The following EPC2 variants were observed in gnomAD, a reference collection of about 807,000 sequenced individuals.
EPC2 encodes enhancer of polycomb 2, also known as enhancer of polycomb homolog 2.
A neutral mutation model predicts 92.1 loss-of-function variants in EPC2; 14 were observed. The ratio of observed to expected loss-of-function variants is 0.15; its 90% CI spans 0.10 to 0.24. The LOEUF (loss-of-function observed/expected upper bound fraction) is 0.24. Ranked by LOEUF, EPC2 falls within the 10% of genes least tolerant of loss-of-function variation. EPC2 has a pLI of 1.00. For missense variants in EPC2, 755 were observed against 971.5 expected, an observed-to-expected ratio of 0.78 and a Z score of 2.96; for synonymous variants, 340 against 334.7, an observed-to-expected ratio of 1.02 and a Z score of -0.17.
intron 1 of EPC2, among the ~76,000 whole-genome samples, chr2:148,659,134 T>A (rs1680883068): frequency 6.6e-6 from 1 of 152,158 alleles, no homozygotes; most frequent in Non-Finnish European, 1.5e-5. Flanking sequence ...ACTTTGTGGA[T>A]TAAGGAGTTT....
intron 1 of EPC2, among the ~76,000 whole-genome samples, chr2:148,650,114 A>G (rs182466137): frequency 6.6e-6 from 1 of 152,308 alleles, no homozygotes; most frequent in Admixed American, 6.5e-5. Context: ...AATGTCTCTA[A>G]GGGCAAAGAT....
At chr2:148,672,616 C>T (rs1264296995) in intron 1 of EPC2, among the ~76,000 whole-genome samples, 1 of 152,126 alleles carries the variant, frequency 6.6e-6, no homozygotes, top group Admixed American at 6.5e-5. Context: ...TTGCTCACCA[C>T]CGCTTAATAT....
chr2:148,669,350 A>G (rs1156817350), intron 1 of EPC2, among the ~76,000 whole-genome samples: 1 of 152,134 alleles, frequency 6.6e-6, no homozygotes, highest in Admixed American at 6.5e-5. Context: ...ATTCCTATAA[A>G]TGTCCTTGAG....
chr2:148,737,277 G>T (rs962055896), intron 2 of EPC2, among the ~76,000 whole-genome samples: 5 of 151,934 alleles, frequency 3.3e-5, no homozygotes, highest in African/African-American at 9.7e-5. Context: ...TAATTTTAGG[G>T]ATTTTTTTCA....
intron 1 of EPC2, among the ~76,000 whole-genome samples, chr2:148,660,349 T>C (rs1680906878): frequency 6.6e-6 from 1 of 152,146 alleles, no homozygotes; most frequent in South Asian, 2.1e-4. Context: ...TGTAAGAGAA[T>C]GGCAGCTTGT....
intron 7 of EPC2, among the ~76,000 whole-genome samples, chr2:148,767,890 G>A (rs1400910611): frequency 6.6e-6 from 1 of 152,102 alleles, no homozygotes; most frequent in Non-Finnish European, 1.5e-5. Flanking sequence ...TCTTAGAATA[G>A]GTACGTTATT....
intron 3 of EPC2, among the ~76,000 whole-genome samples, chr2:148,744,989 G>GTCCCC (rs1682952853): frequency 6.5e-5 from 3 of 46,296 alleles, no homozygotes; most frequent in Non-Finnish European, 1.5e-4. Context: ...CTATCAGTTT[G>GTCCCC]CCCCCCCCCC....
chr2:148,740,898 C>T (rs1378935249), intron 2 of EPC2, among the ~76,000 whole-genome samples: 1 of 152,064 alleles, frequency 6.6e-6, no homozygotes, highest in African/African-American at 2.4e-5. Context: ...TGTGCATTTA[C>T]AAATACAACA....
At chr2:148,675,677 C>T (rs569330164) in intron 1 of EPC2, among the ~76,000 whole-genome samples, 12 of 152,308 alleles carry the variant, frequency 7.9e-5, no homozygotes, top group South Asian at 4.1e-4. Flanking sequence ...AGTATCTATC[C>T]TCTCTCCTGC....
chr2:148,699,290 A>G (rs904665135), intron 2 of EPC2, among the ~76,000 whole-genome samples: 3 of 152,202 alleles, frequency 2.0e-5, no homozygotes, highest in Admixed American at 6.5e-5. Flanking sequence ...CATTTCTTAC[A>G]GCTAATGATG....
At chr2:148,736,711 T>G (rs1389265623) in intron 2 of EPC2, among the ~76,000 whole-genome samples, 1 of 152,106 alleles carries the variant, frequency 6.6e-6, no homozygotes, top group African/African-American at 2.4e-5. Context: ...TTTTTTAATA[T>G]CAGTTCTTAA....
rs1350893137 is a variant in EPC2, at chr2:148,647,450, G to A, written c.153+2280G>A. Among the ~76,000 whole-genome samples the A allele has an allele frequency of 2.0e-5, 3 of 151,230 alleles. No individual in the cohort carries two copies. The South Asian group carries it at 6.3e-4, about 32-fold the overall frequency. On this transcript the variant is annotated intron_variant, in intron 1 of 13. Coordinates refer to ENST00000258484, the MANE Select transcript of EPC2 (RefSeq NM_015630.4). ...AGCCTCCCGAGCAGCTGAGATTATAGGCGCCCACTACCTCGCCCAGCTAAT... is the reference window on the plus strand; with the variant it reads ...AGCCTCCCGAGCAGCTGAGATTATAAGCGCCCACTACCTCGCCCAGCTAAT...
chr2:148,778,602 A>G (rs1683692460), intron 10 of EPC2, among the ~76,000 whole-genome samples: 1 of 138,750 alleles, frequency 7.2e-6, no homozygotes, highest in African/African-American at 2.7e-5. Flanking sequence ...TATTTTGTCC[A>G]TCCTATTAAA....
chr2:148,763,972 G>T (rs1399891798), intron 6 of EPC2, among the ~76,000 whole-genome samples: 1 of 152,074 alleles, frequency 6.6e-6, no homozygotes, highest in African/African-American at 2.4e-5. Flanking sequence ...TAGGGATTTG[G>T]TTGCATCCAT....
chr2:148,764,931 G>T, intron 6 of EPC2, 24 bp from the exon 7 acceptor site: 1 of 1,406,362 alleles, frequency 7.1e-7, no homozygotes, highest in South Asian at 1.9e-5. Flanking sequence ...CTTCCTTTTG[G>T]GGGAAAAATC....
Position 148,720,655 on chromosome 2 carries a change from C to T in EPC2, c.314-22967C>T, listed in dbSNP as rs907136327. Among the ~76,000 whole-genome samples, 3 of 152,266 alleles carry T rather than the reference C, an allele frequency of 2.0e-5. No individual in the cohort carries two copies. In the East Asian group the frequency reaches 5.8e-4, roughly 29 times the overall value. ...ACTCATAAGGGGATCTCCTGATCCC[C>T]GGGTTGCAAAGATCCATGGGAGAAG... On this transcript the variant is annotated intron_variant, in intron 2 of 13. Transcript: ENST00000258484.
At chr2:148,744,968 G>C (rs999084706) in intron 3 of EPC2, among the ~76,000 whole-genome samples, 2 of 125,506 alleles carry the variant, frequency 1.6e-5, no homozygotes, top group African/African-American at 5.7e-5. Flanking sequence ...TGACTTTGCT[G>C]CATATTTAGC....
intron 10 of EPC2, among the ~76,000 whole-genome samples, chr2:148,776,917 A>G (rs1018476595): frequency 5.7e-5 from 8 of 140,980 alleles, no homozygotes; most frequent in African/African-American, 1.6e-4. Context: ...CTGGAGTGCA[A>G]TGGCACGATT....
chr2:148,660,299 T>C lies in EPC2; in HGVS notation c.153+15129T>C, dbSNP rs375907604. Among the ~76,000 whole-genome samples, 54 of 152,312 alleles carry C rather than the reference T, an allele frequency of 3.5e-4. 1 individual carries two copies. The East Asian group carries it at 6.0e-3, about 17-fold the overall frequency. On this transcript the variant is annotated intron_variant, in intron 1 of 13. Coordinates refer to ENST00000258484, the MANE Select transcript of EPC2 (RefSeq NM_015630.4). ...TCCTTTTGAGCCATCACTTCAGTTATTGGATTAGCTTTATTCACTGTAGCC... is the reference window on the plus strand; with the variant it reads ...TCCTTTTGAGCCATCACTTCAGTTACTGGATTAGCTTTATTCACTGTAGCC...
Sources: gnomAD v4.1 joint callset for allele counts (sites outside exome capture counted in the v4.1 genomes callset) on GRCh38, gnomAD v4.1.1 for gene constraint, MANE v1.5 for transcripts, NCBI Gene and HGNC (gene_info 2026-07-23, HGNC 2026-07-21) for gene names.